The following PHGDH variants were observed in gnomAD, a reference collection of about 807,000 sequenced individuals.
The protein encoded by PHGDH is D-3-phosphoglycerate dehydrogenase.
A neutral mutation model predicts 52.6 loss-of-function variants in PHGDH; 50 were observed. The observed-to-expected ratio is 0.95, with a 90% CI of 0.76 to 1.20. PHGDH has a LOEUF of 1.20. PHGDH is among the 50% of genes most tolerant of loss of function. The pLI is 0.00. For synonymous variants in PHGDH, 271 were observed against 280.5 expected (o/e 0.97, Z 0.34); for missense variants, 630 against 684.6 (o/e 0.92, Z 0.89).
rs150682021 is a variant in PHGDH at position 119,735,374 on chromosome 1, C to T, written c.723C>T (p.Asp241=). ...VVNCARGGIV[D]EGALLRALQS... is the part of the protein sequence containing the mutation. ...ACTGTGCCCGTGGAGGGATCGTGGA[C>T]GAAGGCGCCCTGCTCCGGGCCCTGC... Residue 241 remains aspartate, a synonymous_variant, in exon 7 of 12, where the codon GAC becomes GAT. Transcript: ENST00000641023. 3.0e-5 allele frequency: 49 copies of T among 1,614,072 alleles called. No homozygotes were observed. The African/African-American group carries it at 3.6e-4, about 12-fold the overall frequency.
chr1:119,738,362 A>T (rs1027984017), intron 8 of PHGDH, among the ~76,000 whole-genome samples: 8 of 152,154 alleles, frequency 5.3e-5, no homozygotes. Context: ...CTGAGGAAAG[A>T]AGGGTGCCTC....
chr1:119,723,010 CA>C (rs1651241998), intron 2 of PHGDH, among the ~76,000 whole-genome samples: 1 of 151,874 alleles, frequency 6.6e-6, no homozygotes, highest in African/African-American at 2.4e-5. Flanking sequence ...GTAGGAGCAG[CA>C]GGGAATTTGT....
intron 5 of PHGDH, among the ~76,000 whole-genome samples, chr1:119,728,282 ATTCT>A: frequency 6.6e-6 from 1 of 152,048 alleles, no homozygotes; most frequent in African/African-American, 2.4e-5. Context: ...TGTCCTGCCC[ATTCT>A]TTCTTTCCTT....
Position 119,734,768 on chromosome 1 carries a change from T to A in PHGDH, c.643+2T>A. The A allele has an allele frequency of 6.2e-7, 1 of 1,613,986 alleles. No individual in the cohort carries two copies. Among genetic ancestry groups the A allele is most frequent in the Non-Finnish European group, 8.5e-7 (1 of 1,179,932 alleles). On this transcript the variant is annotated splice_donor_variant, in intron 6 of 11. Coordinates refer to ENST00000641023, the MANE Select transcript of PHGDH (RefSeq NM_006623.4). LOFTEE classifies it high-confidence loss of function. ...CTCCTCTCCTGCCCTCCACGACAGG[T>A]AGGTGTGTCCTTACATTGTGGATTG...
intron 8 of PHGDH, among the ~76,000 whole-genome samples, chr1:119,738,258 A>ACAG (rs1036178938): frequency 2.0e-5 from 3 of 152,130 alleles, no homozygotes; most frequent in African/African-American, 7.2e-5. Context: ...GCTGGTGAGG[A>ACAG]CAGCACTGTG....
At position 119,740,511 on chromosome 1, in the gene PHGDH, AAC is replaced by A. The variant is rs759826827; in HGVS notation, c.1075_1076del (p.Gln359GlyfsTer35). On this transcript the variant is annotated frameshift_variant, in exon 9 of 12. Coordinates refer to ENST00000641023, the MANE Select transcript of PHGDH (RefSeq NM_006623.4). LOFTEE classifies it high-confidence loss of function. ...GSPKGTIQVI[T>X]QGTSLKNAGN... Reference sequence around the variant, plus strand: ...CCCCCAAAGGGACCATCCAGGTGATAACACAGGGTGAGCTGGGGACCTTGCAG... The same window carrying A: ...CCCCCAAAGGGACCATCCAGGTGATAACAGGGTGAGCTGGGGACCTTGCAG... 1.9e-6 allele frequency: 3 copies of A among 1,575,582 alleles called. No individual in the cohort carries two copies. The highest frequency in any genetic ancestry group is 2.3e-5 in the East Asian group (1 of 42,774).
chr1:119,742,700 A>G, intron 10 of PHGDH, 107 bp from the exon 11 acceptor site: 1 of 757,282 alleles, frequency 1.3e-6, no homozygotes. Context: ...TGAGCACATT[A>G]TCCAGGCTGG....
chr1:119,723,487 A>G (rs768466635), intron 3 of PHGDH, 46 bp downstream of exon 3: 3 of 1,418,932 alleles, frequency 2.1e-6, no homozygotes, highest in South Asian at 1.1e-5. Flanking sequence ...CGATATGCCA[A>G]TTATTACCAC....
intron 2 of PHGDH, among the ~76,000 whole-genome samples, chr1:119,722,611 G>T (rs1651219717): frequency 6.6e-6 from 1 of 151,954 alleles, no homozygotes; most frequent in African/African-American, 2.4e-5. Flanking sequence ...GCTGCGTGTG[G>T]GGGCTCACAC....
intron 8 of PHGDH, 89 bp downstream of exon 8, chr1:119,737,355 G>A: frequency 8.7e-7 from 1 of 1,148,198 alleles, no homozygotes; most frequent in Non-Finnish European, 1.3e-6. Context: ...CAGCGTGGGT[G>A]AATAGATTCA....
chr1:119,724,064 G>A (rs1408276719), intron 3 of PHGDH, among the ~76,000 whole-genome samples: 1 of 152,160 alleles, frequency 6.6e-6, no homozygotes, highest in Non-Finnish European at 1.5e-5. Flanking sequence ...CCTCTTGAGT[G>A]GATGGGGCAG....
At chr1:119,712,218 G>C in intron 1 of PHGDH, 58 bp downstream of exon 1, 1 of 1,539,270 alleles carries the variant, frequency 6.5e-7, no homozygotes, top group Non-Finnish European at 8.9e-7. Context: ...AAAAAGGCTG[G>C]CTGCGCCCAG....
intron 3 of PHGDH, chr1:119,724,871 C>T (rs879711725): frequency 8.8e-6 from 4 of 456,486 alleles, no homozygotes; most frequent in African/African-American, 4.0e-5. Flanking sequence ...CCTCACTCAT[C>T]AAAGGTGCAT....
intron 8 of PHGDH, among the ~76,000 whole-genome samples, chr1:119,738,654 A>T (rs1652051028): frequency 6.6e-6 from 1 of 152,228 alleles, no homozygotes; most frequent in Non-Finnish European, 1.5e-5. Context: ...GCCTTCTCAG[A>T]AAGCAGCTGT....
At chr1:119,727,391 T>A in intron 5 of PHGDH, 1 of 474,444 alleles carries the variant, frequency 2.1e-6, no homozygotes, top group East Asian at 4.1e-5. Flanking sequence ...GGTTCCTGTC[T>A]TCTTAGTTTA....
At chr1:119,726,333 G>A (rs957657743) in intron 3 of PHGDH, among the ~76,000 whole-genome samples, 6 of 152,184 alleles carry the variant, frequency 3.9e-5, no homozygotes, top group African/African-American at 1.4e-4. Context: ...ACCCACTCTA[G>A]GGTCCAGACT....
chr1:119,735,187 G>A (rs1025359523), intron 6 of PHGDH, 108 bp from the exon 7 acceptor site: 3 of 1,429,640 alleles, frequency 2.1e-6, no homozygotes, highest in South Asian at 1.1e-5. Context: ...GCAGGAGAGA[G>A]GCTCTGGGAA....
chr1:119,724,847 A>G (rs957325918), intron 3 of PHGDH: 1 of 456,542 alleles, frequency 2.2e-6, no homozygotes, highest in Admixed American at 2.3e-5. Context: ...CCCATTGTCA[A>G]CTGCTCACCA....
At chr1:119,740,539 A>G (rs2101216765) in intron 9 of PHGDH, 21 bp downstream of exon 9, 1 of 1,545,056 alleles carries the variant, frequency 6.5e-7, no homozygotes, top group Middle Eastern at 1.7e-4. Context: ...GACCTTGCAG[A>G]GGGAGGGGGA....
Sources: allele counts gnomAD v4.1 joint callset (sites outside exome capture counted in the v4.1 genomes callset), GRCh38; gene constraint gnomAD v4.1.1; transcripts MANE v1.5; gene names NCBI Gene and HGNC (gene_info 2026-07-23, HGNC 2026-07-21).